Variants in TTC27 observed in about 807,000 individuals in gnomAD.
The protein encoded by TTC27 is tetratricopeptide repeat domain 27, also known as tetratricopeptide repeat protein 27.
In TTC27, 79 loss-of-function variants were observed where a neutral mutation model predicts 115.9. That is an observed-to-expected ratio of 0.68 (90% CI 0.57 to 0.82). The LOEUF (loss-of-function observed/expected upper bound fraction) is 0.82, where lower values mean the gene tolerates loss of function less well. TTC27 is among the 40% of genes least tolerant of loss of function. TTC27 has a pLI of 0.00. For synonymous variants in TTC27, 401 were observed against 356.0 expected (o/e 1.13, Z -1.42); for missense variants, 1,054 against 993.1 (o/e 1.06, Z -0.82).
chr2:32,695,718 C>CAAA (rs66677186), intron 9 of TTC27, among the ~76,000 whole-genome samples: 1 of 29,706 alleles, frequency 3.4e-5, no homozygotes, highest in Non-Finnish European at 5.5e-5. Flanking sequence ...GGCTCTATCT[C>CAAA]AAAAAAAAAA....
intron 16 of TTC27, among the ~76,000 whole-genome samples, chr2:32,789,068 A>G (rs1315814920): frequency 6.6e-6 from 1 of 152,192 alleles, no homozygotes; most frequent in Non-Finnish European, 1.5e-5. Flanking sequence ...GGATGGATGG[A>G]TCTCTCCACC....
At chr2:32,775,819 TA>T (rs941062032) in intron 13 of TTC27, among the ~76,000 whole-genome samples, 3 of 152,234 alleles carry the variant, frequency 2.0e-5, no homozygotes, top group Admixed American at 2.0e-4. Flanking sequence ...AAGTACACTT[TA>T]ACATTGATGA....
chr2:32,640,363 G>A lies in TTC27; in HGVS notation c.490G>A (p.Ala164Thr), dbSNP rs750448715. 4 of 1,613,952 alleles carry A rather than the reference G, an allele frequency of 2.5e-6. No homozygotes were observed. The highest frequency in any genetic ancestry group is 1.7e-5 in the Admixed American group (1 of 60,006). Reference sequence around the variant, plus strand: ...CTCGAAGCCTATACTACTGTTATTAGCACGCATTATCCTAGTGAATGTAAG... The same window carrying A: ...CTCGAAGCCTATACTACTGTTATTAACACGCATTATCCTAGTGAATGTAAG... ...LTSKPILLLL[A>T]RIILVNVRHK... Residue 164 changes from alanine to threonine, a missense_variant, in exon 4 of 20, where the codon GCA (alanine) becomes ACA (threonine). Physicochemically the swap from Ala to Thr is moderately conservative, Grantham distance 58. Transcript: ENST00000317907.
At chr2:32,646,833 G>A (rs903730800) in intron 4 of TTC27, among the ~76,000 whole-genome samples, 1 of 152,022 alleles carries the variant, frequency 6.6e-6, no homozygotes, top group Non-Finnish European at 1.5e-5. Context: ...AAAGTGCTGA[G>A]ATTACAGGCA....
intron 5 of TTC27, among the ~76,000 whole-genome samples, chr2:32,663,015 G>T (rs1335125730): frequency 6.6e-6 from 1 of 152,130 alleles, no homozygotes; most frequent in East Asian, 1.9e-4. Flanking sequence ...ACTAATGGTG[G>T]ACGCCCCTGT....
At chr2:32,787,622 T>G (rs1305912803) in intron 16 of TTC27, among the ~76,000 whole-genome samples, 1 of 152,152 alleles carries the variant, frequency 6.6e-6, no homozygotes. Context: ...CTGTGTTTGG[T>G]GGAATAAAGT....
chr2:32,703,599 CA>C (rs1667266021), intron 10 of TTC27, among the ~76,000 whole-genome samples: 2 of 152,094 alleles, frequency 1.3e-5, no homozygotes, highest in South Asian at 4.1e-4. Flanking sequence ...CATCCTGATG[CA>C]AAAAATATTC....
chr2:32,751,712 G>A (rs1278658811), intron 12 of TTC27, among the ~76,000 whole-genome samples: 1 of 152,126 alleles, frequency 6.6e-6, no homozygotes, highest in Non-Finnish European at 1.5e-5. Context: ...AAATATTTAT[G>A]TTTACTTCTT....
intron 3 of TTC27, among the ~76,000 whole-genome samples, chr2:32,634,534 C>T (rs140091223): frequency 0.016 from 2,432 of 151,822 alleles, 50 homozygotes; most frequent in African/African-American, 0.056. Context: ...AGTGGTCTGC[C>T]TGCCTCAGCC....
At chr2:32,731,693 A>G (rs942555279) in intron 10 of TTC27, among the ~76,000 whole-genome samples, 1 of 151,788 alleles carries the variant, frequency 6.6e-6, no homozygotes, top group Admixed American at 6.6e-5. Flanking sequence ...TTTATCATGC[A>G]TATGGCTTAA....
Position 32,714,494 on chromosome 2 carries a change from A to T in TTC27, c.1233+11574A>T, listed in dbSNP as rs182444590. Reference sequence around the variant, plus strand: ...ATTTTCTTTATTTAGTCTACTGTTGATGGGAATTTAGGTTGAGTCCATGCC... The same window carrying T: ...ATTTTCTTTATTTAGTCTACTGTTGTTGGGAATTTAGGTTGAGTCCATGCC... On this transcript the variant is annotated intron_variant, in intron 10 of 19. Transcript: ENST00000317907. Among the ~76,000 whole-genome samples the T allele has an allele frequency of 2.5e-3, 378 of 152,172 alleles. 2 individuals are homozygous for T. Among genetic ancestry groups the T allele is most frequent in the African/African-American group, 8.6e-3 (359 of 41,538 alleles).
At chr2:32,642,100 G>A (rs1031585883) in intron 4 of TTC27, among the ~76,000 whole-genome samples, 1 of 151,882 alleles carries the variant, frequency 6.6e-6, no homozygotes, top group South Asian at 2.1e-4. Flanking sequence ...TAGGTGATCT[G>A]CCTACCTCAG....
intron 17 of TTC27, among the ~76,000 whole-genome samples, chr2:32,812,164 A>G (rs1671337843): frequency 6.6e-6 from 1 of 152,212 alleles, no homozygotes; most frequent in Non-Finnish European, 1.5e-5. Flanking sequence ...CATTGTTTTA[A>G]CCAAGTTCAT....
intron 9 of TTC27, among the ~76,000 whole-genome samples, chr2:32,691,292 A>C (rs1241674675): frequency 6.6e-6 from 1 of 150,994 alleles, no homozygotes; most frequent in African/African-American, 2.4e-5. Context: ...GCTTGTCATC[A>C]TATGAATATT....
At chr2:32,641,131 A>T (rs1452260844) in intron 4 of TTC27, among the ~76,000 whole-genome samples, 1 of 152,220 alleles carries the variant, frequency 6.6e-6, no homozygotes, top group Non-Finnish European at 1.5e-5. Context: ...ATTCTATGTT[A>T]TGTCATTATT....
intron 5 of TTC27, among the ~76,000 whole-genome samples, chr2:32,656,225 G>A (rs1257789128): frequency 1.3e-5 from 2 of 152,098 alleles, no homozygotes; most frequent in Admixed American, 6.6e-5. Flanking sequence ...TGCGCTATGT[G>A]CTGTGGATAT....
intron 3 of TTC27, among the ~76,000 whole-genome samples, chr2:32,636,287 C>T (rs947340983): frequency 1.3e-5 from 2 of 152,154 alleles, no homozygotes; most frequent in African/African-American, 2.4e-5. Context: ...GATCTCGGCT[C>T]ACTGCAGTCT....
intron 16 of TTC27, among the ~76,000 whole-genome samples, chr2:32,804,162 T>C (rs542636423): frequency 2.0e-5 from 3 of 152,312 alleles, no homozygotes; most frequent in Admixed American, 2.0e-4. Flanking sequence ...ATACCTTTTG[T>C]AGAATAAAAT....
chr2:32,786,868 T>A (rs1198475541), intron 15 of TTC27, 116 bp from the exon 16 acceptor site: 2 of 929,544 alleles, frequency 2.2e-6, no homozygotes, highest in African/African-American at 3.4e-5. Flanking sequence ...TTCTGTTTGT[T>A]TATATGAACG....
Sources: gnomAD v4.1 joint callset for allele counts (sites outside exome capture counted in the v4.1 genomes callset) on GRCh38, gnomAD v4.1.1 for gene constraint, MANE v1.5 for transcripts, NCBI Gene and HGNC (gene_info 2026-07-23, HGNC 2026-07-21) for gene names.